The following ROBO2 variants were observed in gnomAD, a reference collection of about 807,000 sequenced individuals.
The protein encoded by ROBO2 is roundabout homolog 2.
ROBO2 carries 53 observed loss-of-function variants against 160.8 expected under a neutral mutation model. That is an observed-to-expected ratio of 0.33 (90% CI 0.26 to 0.41). ROBO2 has a LOEUF of 0.41. Ranked by LOEUF, ROBO2 falls within the 10% of genes least tolerant of loss-of-function variation. The pLI, the probability that ROBO2 is intolerant of heterozygous loss-of-function variation, is 1.00. For missense variants in ROBO2, 1,577 were observed against 1,722.4 expected (o/e 0.92, Z 1.49); for synonymous variants, 664 against 611.7 (o/e 1.09, Z -1.26).
intron 2 of ROBO2, among the ~76,000 whole-genome samples, chr3:76,580,565 A>G (rs1464069387): frequency 2.0e-5 from 3 of 152,020 alleles, no homozygotes; most frequent in Non-Finnish European, 4.4e-5. Flanking sequence ...CTCAGCAGTA[A>G]GAAAGAATCT....
At chr3:76,886,478 T>C (rs996019243) in intron 2 of ROBO2, among the ~76,000 whole-genome samples, 1 of 152,108 alleles carries the variant, frequency 6.6e-6, no homozygotes, top group African/African-American at 2.4e-5. Context: ...CATGGTCTGA[T>C]ACCCGGAGCC....
rs985265770 is a variant in ROBO2, at chr3:77,071,066, G to A, written c.62-26948G>A. Among the ~76,000 whole-genome samples the A allele has an allele frequency of 1.2e-4, 18 of 152,138 alleles. No individual in the cohort carries two copies. In the East Asian group the frequency reaches 1.9e-3, roughly 16 times the overall value. On this transcript the variant is annotated intron_variant, in intron 1 of 25. Coordinates refer to ENST00000461745, the Ensembl canonical transcript of ROBO2. ...TGAGTACCAGCAGACTAAGTCTTTCGGAAGCCGCAGAAGGTTATGCTGTGA... is the reference window on the plus strand; with the variant it reads ...TGAGTACCAGCAGACTAAGTCTTTCAGAAGCCGCAGAAGGTTATGCTGTGA...
At chr3:77,133,675 T>G (rs1046773651) in intron 2 of ROBO2, among the ~76,000 whole-genome samples, 15 of 148,388 alleles carry the variant, frequency 1.0e-4, no homozygotes. Flanking sequence ...CCTGTAATTT[T>G]GCTTGGTATT....
At chr3:77,649,188 A>G (rs1163643606) in exon 26 of ROBO2, 1 of 152,232 alleles carries the variant, frequency 6.6e-6, no homozygotes. Context: ...AAACCAACAT[A>G]TAAGGTATCA....
intron 2 of ROBO2, among the ~76,000 whole-genome samples, chr3:76,276,058 A>G (rs1378799629): frequency 6.6e-6 from 1 of 152,078 alleles, no homozygotes; most frequent in East Asian, 1.9e-4. Context: ...TGACAACTTA[A>G]ATATGCATGT....
chr3:77,001,320 T>G (rs903460446), intron 2 of ROBO2, among the ~76,000 whole-genome samples: 1 of 152,144 alleles, frequency 6.6e-6, no homozygotes, highest in Non-Finnish European at 1.5e-5. Context: ...TTATTAACAG[T>G]TCATAAAATG....
chr3:76,369,016 T>C (rs2075972213), intron 2 of ROBO2, among the ~76,000 whole-genome samples: 1 of 151,962 alleles, frequency 6.6e-6, no homozygotes, highest in African/African-American at 2.4e-5. Context: ...CTTGACTCCG[T>C]AGGACTCTTT....
intron 2 of ROBO2, among the ~76,000 whole-genome samples, chr3:76,472,706 A>G (rs188811904): frequency 6.4e-4 from 97 of 152,336 alleles, no homozygotes; most frequent in African/African-American, 2.3e-3. Context: ...ATCTCTTAAA[A>G]ATGTTTCAAT....
chr3:76,073,413 C>T (rs2068535945), intron 2 of ROBO2, among the ~76,000 whole-genome samples: 1 of 150,292 alleles, frequency 6.7e-6, no homozygotes, highest in African/African-American at 2.4e-5. Context: ...CTGCCTCAGC[C>T]TCCGGAGTAG....
chr3:76,224,485 G>T (rs866362691), intron 2 of ROBO2, among the ~76,000 whole-genome samples: 1 of 152,138 alleles, frequency 6.6e-6, no homozygotes, highest in African/African-American at 2.4e-5. Context: ...CTTTGGGCTC[G>T]TAATGGATTG....
At chr3:77,496,951 T>A (rs1316722599) in intron 5 of ROBO2, among the ~76,000 whole-genome samples, 1 of 152,100 alleles carries the variant, frequency 6.6e-6, no homozygotes, top group Non-Finnish European at 1.5e-5. Context: ...CTACCTTTAA[T>A]GAAATTACAA....
intron 10 of ROBO2, 119 bp downstream of exon 11, chr3:77,562,851 C>T: frequency 1.3e-6 from 1 of 773,164 alleles, no homozygotes; most frequent in Non-Finnish European, 2.3e-6. Flanking sequence ...TTAGCCTTTA[C>T]ATTCAATGCC....
chr3:76,676,207 G>T (rs1261526720), intron 2 of ROBO2, among the ~76,000 whole-genome samples: 2 of 151,876 alleles, frequency 1.3e-5, no homozygotes. Flanking sequence ...GGCCTCTTGG[G>T]AGGTGATTAG....
chr3:77,616,937 T>C (rs1269177794), intron 21 of ROBO2, among the ~76,000 whole-genome samples: 1 of 152,202 alleles, frequency 6.6e-6, no homozygotes, highest in Non-Finnish European at 1.5e-5. Flanking sequence ...TGTTTTGTGA[T>C]TTGCATTTGG....
At chr3:76,252,356 T>C (rs2107558362) in intron 2 of ROBO2, among the ~76,000 whole-genome samples, 1 of 152,234 alleles carries the variant, frequency 6.6e-6, no homozygotes, top group East Asian at 1.9e-4. Flanking sequence ...ACTCAATGTA[T>C]TTGACGTACT....
intron 2 of ROBO2, among the ~76,000 whole-genome samples, chr3:76,700,183 T>C (rs1221531254): frequency 6.6e-6 from 1 of 152,098 alleles, no homozygotes; most frequent in East Asian, 1.9e-4. Context: ...CTTCTTATTC[T>C]TTCTGTCATT....
chr3:76,949,693 T>C (rs1042752043), intron 2 of ROBO2, among the ~76,000 whole-genome samples: 2 of 152,192 alleles, frequency 1.3e-5, no homozygotes, highest in Non-Finnish European at 2.9e-5. Context: ...CGAGCTTGTT[T>C]ACCTCATGGT....
At chr3:77,249,128 G>C (rs2008170) in intron 2 of ROBO2, among the ~76,000 whole-genome samples, 56,342 of 151,804 alleles carry the variant, frequency 0.37, 11,178 homozygotes, top group East Asian at 0.78. Context: ...TGGGATTACA[G>C]GCGTGAGCCA....
chr3:77,283,582 A>G (rs889043801), intron 2 of ROBO2, among the ~76,000 whole-genome samples: 4 of 152,138 alleles, frequency 2.6e-5, no homozygotes, highest in African/African-American at 9.7e-5. Flanking sequence ...TAAATATATA[A>G]ATGAAATATA....
Sources: allele counts gnomAD v4.1 joint callset (sites outside exome capture counted in the v4.1 genomes callset), GRCh38; gene constraint gnomAD v4.1.1; transcripts MANE v1.5; gene names NCBI Gene and HGNC (gene_info 2026-07-23, HGNC 2026-07-21).